The following UGT2B7 variants were observed in gnomAD, a reference collection of about 807,000 sequenced individuals.
The protein encoded by UGT2B7 is UDP glucuronosyltransferase family 2 member B7, also known as UDP-glucuronosyltransferase 2B7.
Under a neutral mutation model 51.9 loss-of-function variants are expected in UGT2B7, and 51 were observed. The observed-to-expected ratio is 0.98, with a 90% confidence interval of 0.78 to 1.24. The LOEUF is 1.24. Among genes scored for constraint, UGT2B7 ranks in the 50% most tolerant of loss-of-function variants. The probability of loss-of-function intolerance (pLI) is 0.00; values close to 1 mark genes in which losing one functional copy is unlikely to be tolerated. For synonymous variants in UGT2B7, 225 were observed against 211.6 expected (o/e 1.06, Z -0.55); for missense variants, 727 against 628.4 (o/e 1.16, Z -1.68).
upstream of UGT2B7, among the ~76,000 whole-genome samples, chr4:69,093,502 C>T (rs1003220670): frequency 6.6e-6 from 1 of 152,168 alleles, no homozygotes; most frequent in Non-Finnish European, 1.5e-5. Context: ...AATTCAGCCT[C>T]CCACTTTGCA....
chr4:69,112,814 C>G lies in UGT2B7; in HGVS notation c.*78C>G. On this transcript the variant is annotated 3_prime_UTR_variant, in exon 6 of 6. Coordinates refer to ENST00000305231, the MANE Select transcript of UGT2B7 (RefSeq NM_001074.4). ...TATTCCAGCAAGAAAGATTGTGATG[C>G]AAGATTTCTTTCTTCCTGAGACAAA... 1 of 1,296,308 alleles carries G rather than the reference C, an allele frequency of 7.7e-7. No individual in the cohort carries two copies. The highest frequency in any genetic ancestry group is 1.0e-6 in the Non-Finnish European group (1 of 984,714). The allele number at this position is 1,296,308 out of a possible 1,614,324, so 80.3% of individuals were successfully genotyped here.
In UGT2B7 at chr4:69,098,839, C is replaced by T. The variant is rs1719332765; in HGVS notation, c.870+151C>T. The stretch of plus-strand genomic sequence containing the variant: ...GATACCAATTAGAAACTCATGTGCA[C>T]GTTAATACCATCACACGTATATGAG... On this transcript the variant is annotated intron_variant, in intron 2 of 5. Transcript: ENST00000305231. 1.2e-5 allele frequency: 16 copies of T among 1,297,326 alleles called. No homozygotes were observed. The East Asian group carries it at 1.9e-4, about 16-fold the overall frequency. 80.4% of individuals were successfully genotyped at this position (1,297,326 alleles called of 1,614,324 possible).
intron 1 of UGT2B7, among the ~76,000 whole-genome samples, chr4:69,084,592 T>C (rs1477005529): frequency 1.3e-5 from 2 of 152,018 alleles, no homozygotes; most frequent in African/African-American, 4.8e-5. Flanking sequence ...GAATTAGGTA[T>C]TTGTCCTAAT....
intron 1 of UGT2B7, chr4:69,066,453 T>G (rs1202791933): frequency 6.6e-6 from 1 of 152,088 alleles, no homozygotes; most frequent in Non-Finnish European, 1.5e-5. Context: ...TTCACCTATA[T>G]AGTGGGTAGT....
intron 1 of UGT2B7, chr4:69,089,373 C>A (rs1347999684): frequency 1.3e-5 from 2 of 152,150 alleles, no homozygotes; most frequent in Non-Finnish European, 2.9e-5. Flanking sequence ...TATAACTATA[C>A]ATATCACAAC....
chr4:69,052,569 CAAAAAAAAAAAA>C (rs1204317464), intron 1 of UGT2B7, among the ~76,000 whole-genome samples: 7 of 64,712 alleles, frequency 1.1e-4, no homozygotes, highest in Non-Finnish European at 1.4e-4. Context: ...TGGTTATCTT[CAAAAAAAAAAAA>C]AAAAAAAAAA....
chr4:69,112,626 A>T lies in UGT2B7; in HGVS notation c.1480A>T (p.Ile494Phe). The change falls in exon 6 of 6, where the codon ATT becomes TTT. Residue 494 changes from isoleucine to phenylalanine, a missense_variant. By Grantham distance (21) the Ile-to-Phe change is conservative (BLOSUM62 0). Coordinates refer to ENST00000305231, the MANE Select transcript of UGT2B7 (RefSeq NM_001074.4). Reference protein sequence around the residue: ...TWFQYHSLDVIGFLLVCVATV... With the variant: ...TWFQYHSLDVFGFLLVCVATV... Reference sequence around the variant, plus strand: ...GTTCCAGTACCACTCTTTGGATGTGATTGGGTTCCTGCTGGTCTGTGTGGC... The same window carrying T: ...GTTCCAGTACCACTCTTTGGATGTGTTTGGGTTCCTGCTGGTCTGTGTGGC... The T allele has an allele frequency of 6.2e-7, 1 of 1,613,890 alleles. No homozygotes were observed. Among genetic ancestry groups the T allele is most frequent in the Non-Finnish European group, 8.5e-7 (1 of 1,179,866 alleles).
chr4:69,086,102 T>A (rs1395987328), intron 1 of UGT2B7, among the ~76,000 whole-genome samples: 1 of 151,846 alleles, frequency 6.6e-6, no homozygotes, highest in African/African-American at 2.4e-5. Flanking sequence ...TTATTTAAGA[T>A]ATTTCTGCAT....
At chr4:69,112,138 A>G (rs1355415436) in intron 5 of UGT2B7, among the ~76,000 whole-genome samples, 1 of 152,206 alleles carries the variant, frequency 6.6e-6, no homozygotes, top group Non-Finnish European at 1.5e-5. Context: ...TATGTTATCT[A>G]TAGATTCCAG....
At chr4:69,068,810 A>G (rs1718537884) in intron 1 of UGT2B7, among the ~76,000 whole-genome samples, 1 of 151,986 alleles carries the variant, frequency 6.6e-6, no homozygotes, top group Non-Finnish European at 1.5e-5. Context: ...GGTAAGCGAG[A>G]TACTTATATG....
At chr4:69,068,474 T>C (rs569470458) in intron 1 of UGT2B7, among the ~76,000 whole-genome samples, 1 of 152,166 alleles carries the variant, frequency 6.6e-6, no homozygotes, top group South Asian at 2.1e-4. Context: ...AAATATGTAG[T>C]TTAAAAATTA....
chr4:69,074,283 G>A (rs1218581899), intron 1 of UGT2B7, among the ~76,000 whole-genome samples: 1 of 152,034 alleles, frequency 6.6e-6, no homozygotes, highest in Non-Finnish European at 1.5e-5. Flanking sequence ...TGAGGCTCAA[G>A]TGAGTTGTGA....
upstream of UGT2B7, among the ~76,000 whole-genome samples, chr4:69,091,609 C>A (rs1163151823): frequency 1.3e-5 from 2 of 152,112 alleles, no homozygotes; most frequent in African/African-American, 2.4e-5. Context: ...CCTGTAAACT[C>A]TTAATCTCTG....
intron 1 of UGT2B7, among the ~76,000 whole-genome samples, chr4:69,072,649 A>C (rs1171181794): frequency 6.6e-6 from 1 of 152,154 alleles, no homozygotes; most frequent in African/African-American, 2.4e-5. Context: ...TAATTGTAAA[A>C]ATTACTGAAT....
chr4:69,091,894 G>C (rs961689830), upstream of UGT2B7, among the ~76,000 whole-genome samples: 2 of 152,296 alleles, frequency 1.3e-5, no homozygotes, highest in South Asian at 4.1e-4. Context: ...ACATGACAAA[G>C]ATAATCTTGA....
intron 1 of UGT2B7, among the ~76,000 whole-genome samples, chr4:69,070,229 TATATA>T (rs1289125861): frequency 2.6e-4 from 39 of 147,706 alleles, no homozygotes; most frequent in Middle Eastern, 3.6e-3. Context: ...TATATATATT[TATATA>T]ATATATCATA....
intron 1 of UGT2B7, among the ~76,000 whole-genome samples, chr4:69,087,513 A>C (rs1718988589): frequency 6.6e-6 from 1 of 151,968 alleles, no homozygotes; most frequent in Admixed American, 6.6e-5. Context: ...TGTCTTTATA[A>C]TTGGTTTTAC....
intron 1 of UGT2B7, among the ~76,000 whole-genome samples, chr4:69,071,972 A>T (rs1718611620): frequency 6.6e-6 from 1 of 152,056 alleles, no homozygotes; most frequent in Admixed American, 6.6e-5. Context: ...GGACCTTGCC[A>T]AAATAGATCT....
rs143693621 is a variant in UGT2B7 at position 69,074,427 on chromosome 4, A to AATATATATATATATATATATATATATAT, written c.-158-15026_-158-15025insTATATATATATATATATATATATATATA. Among the ~76,000 whole-genome samples, 176 of 115,914 alleles carry AATATATATATATATATATATATATATAT rather than the reference A, an allele frequency of 1.5e-3. 2 individuals are homozygous for AATATATATATATATATATATATATATAT. The highest frequency in any genetic ancestry group is 5.3e-3 in the African/African-American group (158 of 30,026). 76.0% of individuals were successfully genotyped at this position (115,914 alleles called of 152,430 possible). A position where few individuals can be genotyped will look rare whatever the true frequency, so the allele number is the denominator to read the frequency against. On this transcript the variant is annotated intron_variant, in intron 1 of 5. Coordinates refer to the UGT2B7 transcript ENST00000502942. ...GACGATGGAATAACACCTTATCTTA[A>AATATATATATATATATATATATATATAT]ATATATATATATATATATAAATTAA...
Sources: allele counts gnomAD v4.1 joint callset (sites outside exome capture counted in the v4.1 genomes callset), GRCh38; gene constraint gnomAD v4.1.1; transcripts MANE v1.5; gene names NCBI Gene and HGNC (gene_info 2026-07-23, HGNC 2026-07-21).